SUGCT: variants seen among roughly 807,000 people sequenced by gnomAD.
SUGCT encodes the protein succinyl-CoA:glutarate-CoA transferase.
A neutral mutation model predicts 55.0 loss-of-function variants in SUGCT; 41 were observed. The observed-to-expected ratio is 0.74, with a 90% confidence interval of 0.58 to 0.97. The LOEUF is 0.97. Ranked by LOEUF, SUGCT falls within the 50% of genes least tolerant of loss-of-function variation. SUGCT has a pLI of 0.00. For synonymous variants in SUGCT, 187 were observed against 200.4 expected (o/e 0.93, Z 0.56); for missense variants, 568 against 547.8 (o/e 1.04, Z -0.37).
At chr7:40,274,958 C>A (rs556313717) in intron 8 of SUGCT, among the ~76,000 whole-genome samples, 2 of 152,154 alleles carry the variant, frequency 1.3e-5, no homozygotes, top group African/African-American at 4.8e-5. Flanking sequence ...TGTGCCACCA[C>A]GCCCGGCTAA....
intron 12 of SUGCT, among the ~76,000 whole-genome samples, chr7:40,691,544 T>G (rs1202478208): frequency 6.6e-6 from 1 of 152,172 alleles, no homozygotes; most frequent in Non-Finnish European, 1.5e-5. Flanking sequence ...GCTAGATATA[T>G]CAAAAGTTTA....
intron 11 of SUGCT, among the ~76,000 whole-genome samples, chr7:40,494,521 T>C (rs1355124263): frequency 6.6e-6 from 1 of 152,174 alleles, no homozygotes; most frequent in Non-Finnish European, 1.5e-5. Flanking sequence ...AAGTGAAGTA[T>C]TTTATTGTAT....
At chr7:40,473,649 A>G (rs1267216206) in intron 11 of SUGCT, among the ~76,000 whole-genome samples, 1 of 152,114 alleles carries the variant, frequency 6.6e-6, no homozygotes, top group African/African-American at 2.4e-5. Context: ...GAAAAAAAAA[A>G]TGGTGGCATG....
Position 40,335,261 on chromosome 7 carries a change from T to G in SUGCT, c.816+18406T>G, listed in dbSNP as rs552975795. Among the ~76,000 whole-genome samples the G allele has an allele frequency of 2.0e-5, 3 of 151,702 alleles. No individual in the cohort carries two copies. In the South Asian group the frequency reaches 6.2e-4, roughly 31 times the overall value. ...GCCCTTTTTTGGTTCCATATGAACT[T>G]TAGTTTTTTCCAATTCTGTGAAGAA... is the stretch of plus-strand genomic sequence containing the variant. On this transcript the variant is annotated intron_variant, in intron 9 of 13. Coordinates refer to ENST00000335693, the MANE Select transcript of SUGCT (RefSeq NM_001193313.2).
chr7:40,526,387 A>AT (rs1793798105), intron 12 of SUGCT, among the ~76,000 whole-genome samples: 1 of 152,140 alleles, frequency 6.6e-6, no homozygotes, highest in Non-Finnish European at 1.5e-5. Flanking sequence ...AGTTTCAAGG[A>AT]CTTCTCTACT....
Position 40,208,589 on chromosome 7 carries a change from G to T in SUGCT, c.484+13529G>T, listed in dbSNP as rs185635830. On this transcript the variant is annotated intron_variant, in intron 6 of 13. Transcript: ENST00000335693. ...TTTTTTTTTCTTGCTCTGTTGCCCA[G>T]GCTGGAGTGCAGTGGTGCGATCTCG... Among the ~76,000 whole-genome samples the T allele has an allele frequency of 3.9e-3, 594 of 151,804 alleles. 8 individuals are homozygous for T. Among genetic ancestry groups the T allele is most frequent in the South Asian group, 0.018 (85 of 4,816 alleles).
chr7:40,228,256 TTC>T lies in SUGCT; in HGVS notation c.485-9369_485-9368del, dbSNP rs144532218. On this transcript the variant is annotated intron_variant, in intron 6 of 13. Transcript: ENST00000335693. ...CAGTTGTTTTTCAGATTTTTCCCAATTCTCTCTCTCTTTTGTTTAGTTGGTAA... is the reference window on the plus strand; with the variant it reads ...CAGTTGTTTTTCAGATTTTTCCCAATTCTCTCTCTTTTGTTTAGTTGGTAA... 3.2e-4 allele frequency among the ~76,000 whole-genome samples: 48 copies of T among 152,204 alleles called. No individual in the cohort carries two copies. The East Asian group carries it at 8.9e-3, about 28-fold the overall frequency.
chr7:40,470,763 C>G (rs535424571), intron 11 of SUGCT, among the ~76,000 whole-genome samples: 194 of 152,110 alleles, frequency 1.3e-3, no homozygotes, highest in Non-Finnish European at 2.5e-3. Flanking sequence ...CTCTCTCTCT[C>G]TCTCTCTCTC....
At chr7:40,583,498 A>C (rs1797210865) in intron 12 of SUGCT, among the ~76,000 whole-genome samples, 1 of 152,068 alleles carries the variant, frequency 6.6e-6, no homozygotes, top group African/African-American at 2.4e-5. Context: ...TTGTATGATG[A>C]TATTTAGTGT....
At chr7:40,828,616 T>TA (rs2128774849) in intron 13 of SUGCT, among the ~76,000 whole-genome samples, 1 of 150,604 alleles carries the variant, frequency 6.6e-6, no homozygotes, top group Non-Finnish European at 1.5e-5. Context: ...AATGTTGAAT[T>TA]AAAAAAAGAT....
At chr7:40,996,400 A>G in the SUGCT span, among the ~76,000 whole-genome samples, 1 of 152,170 alleles carries the variant, frequency 6.6e-6, no homozygotes, top group Admixed American at 6.5e-5. Flanking sequence ...TCCCGGTCAC[A>G]GTTGGAGCAG....
At chr7:40,919,863 C>T in the SUGCT span, among the ~76,000 whole-genome samples, 1 of 152,190 alleles carries the variant, frequency 6.6e-6, no homozygotes, top group South Asian at 2.1e-4. Context: ...CCTGACTCCT[C>T]CTGATTCTTC....
At position 40,459,103 on chromosome 7, in the gene SUGCT, C is replaced by A; in HGVS notation, c.891C>A (p.Ile297=). The change falls in exon 11 of 14, where the codon ATC becomes ATA. Residue 297 remains isoleucine, a splice_region_variant and synonymous_variant. Transcript: ENST00000335693. ...GGAAAATTATTTTTTTCTTTTAGAT[C>A]TTGGATTTGCCTGAGTTGATTGATA... ...NNQQFATVCK[I]LDLPELIDNS... 1 of 1,606,038 alleles carries A rather than the reference C, an allele frequency of 6.2e-7. No individual in the cohort carries two copies. The highest frequency in any genetic ancestry group is 1.1e-5 in the South Asian group (1 of 90,832).
chr7:40,938,105 C>A, the SUGCT span, among the ~76,000 whole-genome samples: 1 of 152,184 alleles, frequency 6.6e-6, no homozygotes, highest in African/African-American at 2.4e-5. Context: ...AGCCAGGTTC[C>A]TAATAGGCCA....
intron 9 of SUGCT, among the ~76,000 whole-genome samples, chr7:40,372,020 CA>C (rs1784318428): frequency 6.6e-6 from 1 of 151,442 alleles, no homozygotes; most frequent in South Asian, 2.1e-4. Flanking sequence ...GTTTTTTAAA[CA>C]AAATCAGGAT....
the SUGCT span, among the ~76,000 whole-genome samples, chr7:40,998,037 TAAG>T: frequency 6.6e-6 from 1 of 152,138 alleles, no homozygotes; most frequent in Non-Finnish European, 1.5e-5. Context: ...TCTGTAGTTT[TAAG>T]AAGAATTTTC....
intron 6 of SUGCT, among the ~76,000 whole-genome samples, chr7:40,220,183 T>C (rs1007132319): frequency 6.6e-6 from 1 of 152,228 alleles, no homozygotes; most frequent in Non-Finnish European, 1.5e-5. Flanking sequence ...AGTTTTGATG[T>C]TTATCATCTC....
chr7:40,832,371 C>G (rs1268145715), intron 13 of SUGCT, among the ~76,000 whole-genome samples: 1 of 152,142 alleles, frequency 6.6e-6, no homozygotes, highest in Non-Finnish European at 1.5e-5. Flanking sequence ...TGTGAAAACA[C>G]TGTGTCCCAT....
the SUGCT span, among the ~76,000 whole-genome samples, chr7:40,957,504 A>C: frequency 1.0e-3 from 115 of 112,686 alleles, no homozygotes; most frequent in Middle Eastern, 6.9e-3. Flanking sequence ...ATCTTCCTCC[A>C]TCCCTTTATT....
Sources: allele counts gnomAD v4.1 joint callset (sites outside exome capture counted in the v4.1 genomes callset), GRCh38; gene constraint gnomAD v4.1.1; transcripts MANE v1.5; gene names NCBI Gene and HGNC (gene_info 2026-07-23, HGNC 2026-07-21).